Variants in NUCB2 observed in about 807,000 individuals in gnomAD.
NUCB2 encodes the protein nucleobindin-2.
In NUCB2, 48 loss-of-function variants were observed where a neutral mutation model predicts 57.9. The ratio of observed to expected loss-of-function variants is 0.83; its 90% CI spans 0.66 to 1.05. NUCB2 has a LOEUF of 1.05. NUCB2 is among the 50% of genes least tolerant of loss of function. The pLI, the probability that NUCB2 is intolerant of heterozygous loss-of-function variation, is 0.00. For synonymous variants in NUCB2, 139 were observed against 152.1 expected (o/e 0.91, Z 0.64); for missense variants, 442 against 476.2 (o/e 0.93, Z 0.67).
chr11:17,336,488 A>C (rs1000615951), downstream of NUCB2, among the ~76,000 whole-genome samples: 16 of 151,948 alleles, frequency 1.1e-4, no homozygotes, highest in African/African-American at 3.9e-4. Flanking sequence ...ATAATTAAAA[A>C]ATACGCCTGT....
At chr11:17,293,052 G>GCGA (rs1208924527) in intron 2 of NUCB2, among the ~76,000 whole-genome samples, 1 of 151,982 alleles carries the variant, frequency 6.6e-6, no homozygotes, top group Non-Finnish European at 1.5e-5. Flanking sequence ...TCAGGAGTTC[G>GCGA]AGACCAGCCT....
intron 13 of NUCB2, 38 bp from the exon 14 acceptor site, chr11:17,331,374 T>TA: frequency 7.9e-7 from 1 of 1,264,648 alleles, no homozygotes; most frequent in African/African-American, 1.5e-5. Flanking sequence ...TAAAGGAAGA[T>TA]ACTTTTAAAA....
intron 5 of NUCB2, among the ~76,000 whole-genome samples, chr11:17,303,266 A>G (rs1947065522): frequency 6.6e-6 from 1 of 152,202 alleles, no homozygotes. Flanking sequence ...AGCATAGAAA[A>G]AGAAGGAAAG....
At chr11:17,329,855 C>T (rs1328133904) in intron 11 of NUCB2, among the ~76,000 whole-genome samples, 2 of 152,170 alleles carry the variant, frequency 1.3e-5, no homozygotes, top group African/African-American at 4.8e-5. Flanking sequence ...TATTTCTCTT[C>T]CCACGTTCTC....
chr11:17,342,918 A>C (rs926116398), intron 2 of NUCB2, among the ~76,000 whole-genome samples: 8 of 152,226 alleles, frequency 5.3e-5, no homozygotes, highest in African/African-American at 1.9e-4. Context: ...TGGGGTGTTA[A>C]ATTCTCCCAT....
chr11:17,312,198 A>G (rs1276336883), intron 10 of NUCB2, 78 bp downstream of exon 10: 7 of 813,072 alleles, frequency 8.6e-6, no homozygotes, highest in Admixed American at 2.7e-5. Context: ...AAGATGGAAA[A>G]TATACAGAAT....
chr11:17,340,765 A>G (rs1304652838), intron 2 of NUCB2, among the ~76,000 whole-genome samples: 1 of 151,456 alleles, frequency 6.6e-6, no homozygotes, highest in Admixed American at 6.6e-5. Context: ...TGATGCCTCC[A>G]GCTTTGTTCT....
chr11:17,310,994 C>A lies in NUCB2; in HGVS notation c.653C>A (p.Pro218His). The change falls in exon 7 of 14, where the codon CCT (proline) becomes CAT (histidine). Residue 218 changes from proline (P) to histidine (H), a missense_variant. By Grantham distance (77) the Pro-to-His change is moderately conservative (BLOSUM62 -2). Transcript: ENST00000529010. Reference sequence around the variant, plus strand: ...ATGAAGAAAAAGCATGAAAATCACCCTAAAGTTAATCACCCAGTAAGGATT... The same window carrying A: ...ATGAAGAAAAAGCATGAAAATCACCATAAAGTTAATCACCCAGTAAGGATT... ...EEMKKKHENH[P>H]KVNHPGSKDQ... The A allele has an allele frequency of 6.3e-7, 1 of 1,576,892 alleles. No individual in the cohort carries two copies. The highest frequency in any genetic ancestry group is 1.2e-5 in the South Asian group (1 of 83,192).
chr11:17,298,237 T>G (rs1035241893), intron 4 of NUCB2, among the ~76,000 whole-genome samples: 1 of 151,748 alleles, frequency 6.6e-6, no homozygotes, highest in Non-Finnish European at 1.5e-5. Context: ...AATTTAAAAT[T>G]AATTTAATTA....
intron 2 of NUCB2, among the ~76,000 whole-genome samples, chr11:17,346,789 TTCTATAAACTAATCTGCAAA>T (rs1952777365): frequency 6.6e-6 from 1 of 152,240 alleles, no homozygotes; most frequent in Non-Finnish European, 1.5e-5. Context: ...ATTGATACAA[TTCTATAAACTAATCTGCAAA>T]TTTTGCCAGT....
exon 2 of NUCB2, chr11:17,337,423 T>C (rs1951910023): frequency 6.6e-6 from 1 of 152,172 alleles, no homozygotes. Context: ...TCATGCAGGA[T>C]TTTTATCCCC....
At chr11:17,319,580 G>A (rs1460809407) in intron 11 of NUCB2, among the ~76,000 whole-genome samples, 3 of 152,062 alleles carry the variant, frequency 2.0e-5, no homozygotes, top group African/African-American at 7.2e-5. Context: ...ATGTACATAT[G>A]TACACACATA....
Position 17,330,049 on chromosome 11 carries a change from ACC to A in NUCB2, c.1003-77_1003-76del. The A allele has an allele frequency of 1.3e-6, 1 of 785,550 alleles. No homozygotes were observed. Among genetic ancestry groups the A allele is most frequent in the African/African-American group, 1.7e-5 (1 of 58,330 alleles). The allele number at this position is 785,550 out of a possible 1,614,324, so 48.7% of individuals were successfully genotyped here. On this transcript the variant is annotated intron_variant, in intron 11 of 13. Coordinates refer to ENST00000529010, the MANE Select transcript of NUCB2 (RefSeq NM_005013.4). This position sits in a 1 kb window ranked among gnomAD's most constrained non-coding sequence, Gnocchi z 4.3. ...ATAGATACTCTTTTATACTTTGCTAACCATAGAATTTTAAAGCTAAATCAGAC... is the reference window on the plus strand; with the variant it reads ...ATAGATACTCTTTTATACTTTGCTAAATAGAATTTTAAAGCTAAATCAGAC...
chr11:17,278,140 C>T (rs557814773), intron 1 of NUCB2, among the ~76,000 whole-genome samples: 26 of 145,998 alleles, frequency 1.8e-4, no homozygotes, highest in African/African-American at 6.5e-4. Context: ...TGTGTTTACT[C>T]ATGCTCTTCT....
chr11:17,279,756 C>A (rs1591145676), intron 1 of NUCB2, among the ~76,000 whole-genome samples: 1 of 146,484 alleles, frequency 6.8e-6, no homozygotes, highest in African/African-American at 2.5e-5. Context: ...ATAGTAGTTA[C>A]TTGATTTTAT....
chr11:17,314,092 CT>C (rs1484626341), intron 10 of NUCB2, among the ~76,000 whole-genome samples: 1 of 152,058 alleles, frequency 6.6e-6, no homozygotes, highest in Non-Finnish European at 1.5e-5. Context: ...CATAATTCAT[CT>C]AGTTGCTCAG....
At chr11:17,311,069 G>C (rs566388274) in intron 7 of NUCB2, 59 bp downstream of exon 7, 2 of 1,455,220 alleles carry the variant, frequency 1.4e-6, no homozygotes, top group Admixed American at 2.4e-5. Context: ...CGTATCAGCG[G>C]ATTTTTATTG....
intron 2 of NUCB2, among the ~76,000 whole-genome samples, chr11:17,290,280 A>G (rs12272752): frequency 6.6e-6 from 1 of 152,250 alleles, no homozygotes; most frequent in Non-Finnish European, 1.5e-5. Flanking sequence ...GAAGATATTT[A>G]CAATGACAAG....
intron 4 of NUCB2, among the ~76,000 whole-genome samples, chr11:17,300,641 T>A (rs539739190): frequency 1.3e-5 from 2 of 152,360 alleles, no homozygotes; most frequent in East Asian, 3.9e-4. Flanking sequence ...GCCATTGTAT[T>A]GGTATACTAT....
Sources: gnomAD v4.1 joint callset for allele counts (sites outside exome capture counted in the v4.1 genomes callset) on GRCh38, gnomAD v4.1.1 for gene constraint, Gnocchi (gnomAD v3.1) non-coding constraint, MANE v1.5 for transcripts, NCBI Gene and HGNC (gene_info 2026-07-23, HGNC 2026-07-21) for gene names.